PPP1R12A: variants seen among roughly 807,000 people sequenced by gnomAD.
PPP1R12A encodes the protein myosin binding subunit.
Under a neutral mutation model 139.6 loss-of-function variants are expected in PPP1R12A, and 19 were observed. That is an observed-to-expected ratio of 0.14 (90% CI 0.09 to 0.20). The LOEUF (loss-of-function observed/expected upper bound fraction) is 0.20. Among genes scored for constraint, PPP1R12A ranks in the 10% least tolerant of loss-of-function variants. PPP1R12A has a pLI of 1.00. For synonymous variants in PPP1R12A, 427 were observed against 420.6 expected, an observed-to-expected ratio of 1.02 and a Z score of -0.19; for missense variants, 925 against 1,211.5, an observed-to-expected ratio of 0.76 and a Z score of 3.51.
At chr12:79,921,565 A>C (rs1887441695) in intron 1 of PPP1R12A, among the ~76,000 whole-genome samples, 1 of 152,160 alleles carries the variant, frequency 6.6e-6, no homozygotes, top group South Asian at 2.1e-4. Context: ...AAAGCCTTTA[A>C]TTTCACCTTG....
intron 1 of PPP1R12A, among the ~76,000 whole-genome samples, chr12:79,881,938 G>A (rs1180602984): frequency 6.6e-6 from 1 of 152,100 alleles, no homozygotes; most frequent in Non-Finnish European, 1.5e-5. Context: ...ACAAAGCCTG[G>A]ATGGCAGCAC....
chr12:79,823,660 C>G (rs1331409159), intron 5 of PPP1R12A: 1 of 150,590 alleles, frequency 6.6e-6, no homozygotes, highest in Non-Finnish European at 1.5e-5. Context: ...CTGGCACGAT[C>G]GTGGCTCACT....
chr12:79,934,469 C>A (rs1368532035), intron 1 of PPP1R12A, among the ~76,000 whole-genome samples: 1 of 152,208 alleles, frequency 6.6e-6, no homozygotes, highest in Non-Finnish European at 1.5e-5. Flanking sequence ...GGAAATCACC[C>A]GGTTCCCAAC....
Position 79,796,941 on chromosome 12 carries a change from G to A in PPP1R12A, c.2302C>T (p.Arg768Cys), listed in dbSNP as rs201949074. Reference protein sequence around the residue: ...YSRTYDETYQRYRPVSTSSST... With the variant: ...YSRTYDETYQCYRPVSTSSST... ...CTTGAAGTTGATACTGGCCTATAAC[G>A]CTGGTAAGTCTGTGAAACATTAAGA... The change falls in exon 17 of 25, where the codon CGT (arginine) becomes TGT (cysteine). Residue 768 changes from arginine (R) to cysteine (C), a missense_variant. Arg to Cys is a radical substitution (Grantham distance 180). Around this residue, in one of 4 missense-constraint regions of PPP1R12A, gnomAD observed 315 missense variants for 363.4 expected, o/e 0.87. Transcript: ENST00000450142. The A allele has an allele frequency of 7.5e-6, 12 of 1,607,354 alleles. No homozygotes were observed. The highest frequency in any genetic ancestry group is 5.4e-5 in the African/African-American group (4 of 74,412).
chr12:79,881,497 C>T (rs998926606), intron 1 of PPP1R12A, among the ~76,000 whole-genome samples: 1 of 152,146 alleles, frequency 6.6e-6, no homozygotes, highest in African/African-American at 2.4e-5. Context: ...TTCTATGAAG[C>T]CCAAGAGAGG....
At chr12:79,856,927 C>A (rs1362086778) in intron 2 of PPP1R12A, among the ~76,000 whole-genome samples, 2 of 152,160 alleles carry the variant, frequency 1.3e-5, no homozygotes, top group African/African-American at 4.8e-5. Flanking sequence ...TAAGTTTTAA[C>A]AAAGAAATGG....
At chr12:79,804,645 TA>T (rs576712469) in intron 14 of PPP1R12A, among the ~76,000 whole-genome samples, 21 of 145,216 alleles carry the variant, frequency 1.4e-4, no homozygotes, top group South Asian at 2.2e-4. Flanking sequence ...AGTATTTTAG[TA>T]AAAAAAAAAA....
Position 79,790,548 on chromosome 12 carries a change from T to C in PPP1R12A, c.2650-65A>G, listed in dbSNP as rs949085470. The C allele has an allele frequency of 8.7e-6, 10 of 1,149,096 alleles. No individual in the cohort carries two copies. In the East Asian group the frequency reaches 1.1e-4, roughly 12 times the overall value. 71.2% of individuals were successfully genotyped at this position (1,149,096 alleles called of 1,614,324 possible). A position where few individuals can be genotyped will look rare whatever the true frequency, so the allele number is the denominator to read the frequency against. ...ATGCTTTCATTAAACTATTAACCTA[T>C]GATTATAAGTAAATTTAATGTAGTA... On this transcript the variant is annotated intron_variant, in intron 19 of 24. Transcript: ENST00000450142.
At chr12:79,818,451 C>A (rs2137104207) in intron 8 of PPP1R12A, among the ~76,000 whole-genome samples, 1 of 152,208 alleles carries the variant, frequency 6.6e-6, no homozygotes, top group Non-Finnish European at 1.5e-5. Context: ...CCATGTTGCC[C>A]AGGCTGGTCT....
intron 1 of PPP1R12A, among the ~76,000 whole-genome samples, chr12:79,920,967 C>T (rs1887388680): frequency 6.6e-6 from 1 of 152,158 alleles, no homozygotes; most frequent in African/African-American, 2.4e-5. Flanking sequence ...TTATTAAAGC[C>T]ATCCTAGTAG....
intron 23 of PPP1R12A, chr12:79,780,213 A>C (rs767903311): frequency 6.6e-6 from 1 of 151,458 alleles, no homozygotes; most frequent in South Asian, 2.1e-4. Flanking sequence ...CTTTAAAAAA[A>C]CAGACAAACA....
At chr12:79,893,236 T>C (rs1403745280) in intron 1 of PPP1R12A, among the ~76,000 whole-genome samples, 3 of 152,210 alleles carry the variant, frequency 2.0e-5, no homozygotes, top group African/African-American at 7.2e-5. Flanking sequence ...TTTAGTCTTT[T>C]ACACCTTAAG....
chr12:79,779,227 T>G (rs1311837669), intron 23 of PPP1R12A: 4 of 976,684 alleles, frequency 4.1e-6, no homozygotes, highest in Non-Finnish European at 4.3e-6. Flanking sequence ...TGCAGTGTAC[T>G]GTTTTATTCT....
At position 79,887,877 on chromosome 12, in the gene PPP1R12A, T is replaced by G. The variant is rs578174702; in HGVS notation, c.238-14939A>C. 3.3e-4 allele frequency among the ~76,000 whole-genome samples: 50 copies of G among 152,310 alleles called. 1 individual carries two copies. The highest frequency in any genetic ancestry group is 3.4e-3 in the Middle Eastern group (1 of 294). On this transcript the variant is annotated intron_variant, in intron 1 of 24. Transcript: ENST00000450142. ...CACACCAAAGCGTTAATTAACACTT[T>G]AAGTCATTAACCTCTTAAAGTCACT...
In PPP1R12A at chr12:79,796,441, C is replaced by T. The variant is rs564086388; in HGVS notation, c.2461+341G>A. Among the ~76,000 whole-genome samples the T allele has an allele frequency of 2.1e-4, 32 of 152,200 alleles. 1 individual carries two copies. In the South Asian group the frequency reaches 6.4e-3, roughly 31 times the overall value. ...AAAAACATTTAAATGATATGATCTA[C>T]ACAGTAGGCAAGAAATAGCTTAAAG... On this transcript the variant is annotated intron_variant, in intron 17 of 24. Coordinates refer to ENST00000450142, the MANE Select transcript of PPP1R12A (RefSeq NM_002480.3).
intron 23 of PPP1R12A, chr12:79,778,962 C>A: frequency 4.3e-6 from 1 of 232,166 alleles, no homozygotes; most frequent in Non-Finnish European, 8.8e-6. Flanking sequence ...ATTACAGTGA[C>A]AGAAGCAGAA....
rs931242465 is a variant in PPP1R12A at position 79,808,586 on chromosome 12, C to G, written c.1456-9G>C. 30 of 1,547,272 alleles carry G rather than the reference C, an allele frequency of 1.9e-5. No homozygotes were observed. Among genetic ancestry groups the G allele is most frequent in the Non-Finnish European group, 2.7e-5 (30 of 1,126,692 alleles). On this transcript the variant is annotated splice_polypyrimidine_tract_variant and intron_variant, in intron 10 of 24. Coordinates refer to ENST00000450142, the MANE Select transcript of PPP1R12A (RefSeq NM_002480.3). ...CCTTTACTATCTTTCTCCTACACAACAGGGAAAAAAATAAGTAAAAATTAA... is the reference window on the plus strand; with the variant it reads ...CCTTTACTATCTTTCTCCTACACAAGAGGGAAAAAAATAAGTAAAAATTAA...
At chr12:79,838,637 G>A (rs1878357647) in intron 3 of PPP1R12A, among the ~76,000 whole-genome samples, 1 of 152,182 alleles carries the variant, frequency 6.6e-6, no homozygotes. Context: ...TAGCTAAAAG[G>A]GGCCAATGTA....
chr12:79,776,108 A>G (rs989561955), intron 24 of PPP1R12A, 93 bp from the exon 25 acceptor site: 2 of 777,872 alleles, frequency 2.6e-6, no homozygotes, highest in South Asian at 4.4e-5. Context: ...ACCACAAAAC[A>G]CATGATCAAG....
Sources: allele counts gnomAD v4.1 joint callset (sites outside exome capture counted in the v4.1 genomes callset), GRCh38; gene constraint gnomAD v4.1.1; regional missense constraint gnomAD v4.1.1; transcripts MANE v1.5; gene names NCBI Gene and HGNC (gene_info 2026-07-23, HGNC 2026-07-21).